Variants in TSPOAP1 observed in about 807,000 individuals in gnomAD.
The protein encoded by TSPOAP1 is peripheral-type benzodiazepine receptor-associated protein 1.
TSPOAP1 carries 87 observed loss-of-function variants against 197.0 expected under a neutral mutation model. That is an observed-to-expected ratio of 0.44 (90% CI 0.37 to 0.53). TSPOAP1 has a LOEUF of 0.53. Ranked by LOEUF, TSPOAP1 falls within the 20% of genes least tolerant of loss-of-function variation. The pLI, the probability that TSPOAP1 is intolerant of heterozygous loss-of-function variation, is 0.00. For synonymous variants in TSPOAP1, 913 were observed against 998.9 expected (o/e 0.91, Z 1.62); for missense variants, 2,174 against 2,411.3 (o/e 0.90, Z 2.06).
chr17:58,316,365 C>G (rs546887833), intron 15 of TSPOAP1, 60 bp downstream of exon 15: 67 of 1,467,270 alleles, frequency 4.6e-5, no homozygotes, highest in East Asian at 9.1e-5. Context: ...TCCACCCGGC[C>G]CCCTCCTATA....
chr17:58,327,926 T>C lies in TSPOAP1; in HGVS notation c.-6A>G. ...AGGGTTGTCAGTTGCTCCATGGTAC[T>C]GCCAAGGGGCCCCAGAACCCGGGCC... is the stretch of plus-strand genomic sequence containing the variant. On this transcript the variant is annotated 5_prime_UTR_variant, in exon 1 of 32. Coordinates refer to ENST00000343736, the MANE Select transcript of TSPOAP1 (RefSeq NM_004758.4). 6.3e-7 allele frequency: 1 copy of C among 1,586,766 alleles called. No homozygotes were observed. Among genetic ancestry groups the C allele is most frequent in the Non-Finnish European group, 8.6e-7 (1 of 1,162,314 alleles).
In TSPOAP1 at chr17:58,310,555, C is replaced by A; in HGVS notation, c.3656G>T (p.Cys1219Phe). 1 of 1,613,500 alleles carries A rather than the reference C, an allele frequency of 6.2e-7. No individual in the cohort carries two copies. The highest frequency in any genetic ancestry group is 8.5e-7 in the Non-Finnish European group (1 of 1,180,028). Residue 1219 changes from cysteine to phenylalanine, a missense_variant, in exon 20 of 32, where the codon TGC (cysteine) becomes TTC (phenylalanine). Transcript: ENST00000343736. Reference protein sequence around the residue: ...RAQQAPNTEMCQGGDPGSGLR... With the variant: ...RAQQAPNTEMFQGGDPGSGLR... ...CCCAGACCCTGGGTCTCCTCCTTGG[C>A]ACATCTCGGTATTTGGCGCCTGCTG... is the stretch of plus-strand genomic sequence containing the variant.
At chr17:58,308,390 T>C in intron 22 of TSPOAP1, 151 bp downstream of exon 22, 1 of 1,078,940 alleles carries the variant, frequency 9.3e-7, no homozygotes, top group Non-Finnish European at 1.3e-6. Flanking sequence ...GGAATGTGGG[T>C]GGGAGGAGGC....
chr17:58,306,507 C>A lies in TSPOAP1; in HGVS notation c.5153-94G>T. 3 of 1,235,928 alleles carry A rather than the reference C, an allele frequency of 2.4e-6. No individual in the cohort carries two copies. The South Asian group carries it at 4.5e-5, about 18-fold the overall frequency. The allele number at this position is 1,235,928 out of a possible 1,614,324, so 76.6% of individuals were successfully genotyped here. ...TTCCTCTCAGGGCCGTGCTAGGTTA[C>A]TGAGCTTGTTTCGTAAGGGCATTCA... is the stretch of plus-strand genomic sequence containing the variant. On this transcript the variant is annotated intron_variant, in intron 25 of 31. Transcript: ENST00000343736.
chr17:58,312,867 T>C lies in TSPOAP1; in HGVS notation c.2099-145A>G, dbSNP rs951678214. The C allele has an allele frequency of 3.4e-5, 23 of 673,656 alleles. No homozygotes were observed. The African/African-American group carries it at 3.5e-4, about 10-fold the overall frequency. 41.7% of individuals were successfully genotyped at this position (673,656 alleles called of 1,614,324 possible). A position where few individuals can be genotyped will look rare whatever the true frequency, so the allele number is the denominator to read the frequency against. On this transcript the variant is annotated intron_variant, in intron 16 of 31. Coordinates refer to ENST00000343736, the MANE Select transcript of TSPOAP1 (RefSeq NM_004758.4). Reference sequence around the variant, plus strand: ...AATCAACATTTAACTGTCAATTCTTTTAAAAGACAAGAGCAGTAAAGATCT... The same window carrying C: ...AATCAACATTTAACTGTCAATTCTTCTAAAAGACAAGAGCAGTAAAGATCT...
intron 14 of TSPOAP1, among the ~76,000 whole-genome samples, chr17:58,316,903 ACT>A (rs1241546530): frequency 6.6e-6 from 1 of 152,026 alleles, no homozygotes; most frequent in Non-Finnish European, 1.5e-5. Flanking sequence ...TAAGGTAAAA[ACT>A]CAGCAAAGTT....
chr17:58,322,378 A>AGCT lies in TSPOAP1; in HGVS notation c.1349_1351dup (p.Gln450dup). The AGCT allele has an allele frequency of 6.2e-7, 1 of 1,606,300 alleles. No homozygotes were observed. The highest frequency in any genetic ancestry group is 8.5e-7 in the Non-Finnish European group (1 of 1,179,962). On this transcript the variant is annotated inframe_insertion, in exon 10 of 32. Coordinates refer to ENST00000343736, the MANE Select transcript of TSPOAP1 (RefSeq NM_004758.4). This position sits in a 1 kb window ranked among gnomAD's most constrained non-coding sequence, Gnocchi z 5.0. ...CCGAGCCTGTTCATGCTCCACCTCC[A>AGCT]GCTGCTGCCGCCGCTGGGCCACCTC...
chr17:58,310,423 C>A, intron 20 of TSPOAP1, 89 bp downstream of exon 20: 1 of 1,554,982 alleles, frequency 6.4e-7, no homozygotes, highest in Middle Eastern at 1.7e-4. Context: ...AGAGGACAGG[C>A]AGAGAGGGCA....
intron 14 of TSPOAP1, among the ~76,000 whole-genome samples, chr17:58,316,903 A>C (rs931334989): frequency 6.6e-6 from 1 of 152,026 alleles, no homozygotes; most frequent in African/African-American, 2.4e-5. Context: ...TAAGGTAAAA[A>C]CTCAGCAAAG....
rs1598078188 is a variant in TSPOAP1, at chr17:58,322,640, C to T, written c.1317+14G>A. On this transcript the variant is annotated intron_variant, in intron 9 of 31. Transcript: ENST00000343736. This position sits in a 1 kb window ranked among gnomAD's most constrained non-coding sequence, Gnocchi z 5.0. ...AGGGCCCAGCACCCTCTCCCACCTG[C>T]ACCATCTCCTCACCTTCAGCACTTG... 2.5e-6 allele frequency: 4 copies of T among 1,607,982 alleles called. No homozygotes were observed. Among genetic ancestry groups the T allele is most frequent in the Middle Eastern group, 3.3e-4 (2 of 6,062 alleles).
chr17:58,325,472 A>G, intron 4 of TSPOAP1, 62 bp downstream of exon 4: 1 of 1,595,854 alleles, frequency 6.3e-7, no homozygotes, highest in Non-Finnish European at 8.5e-7. Context: ...TCTGCATCCC[A>G]CAACAGGCAG....
chr17:58,325,126 C>T, intron 4 of TSPOAP1, 124 bp from the exon 5 acceptor site: 2 of 843,194 alleles, frequency 2.4e-6, no homozygotes, highest in Non-Finnish European at 3.6e-6. Context: ...TGCACACCCT[C>T]CCATGGGTAC....
chr17:58,307,484 C>T, intron 24 of TSPOAP1, 127 bp downstream of exon 24: 2 of 1,288,214 alleles, frequency 1.6e-6, no homozygotes, highest in South Asian at 2.9e-5. Flanking sequence ...GGTCCAAACC[C>T]ATGTCATCTG....
chr17:58,307,560 G>A (rs1235425210), intron 24 of TSPOAP1, 51 bp downstream of exon 24: 3 of 1,591,112 alleles, frequency 1.9e-6, no homozygotes, highest in Non-Finnish European at 2.6e-6. Flanking sequence ...AGGGAGGAGG[G>A]AAGACCCAGC....
At chr17:58,323,627 A>G in intron 5 of TSPOAP1, 82 bp from the exon 6 acceptor site, 1 of 1,440,700 alleles carries the variant, frequency 6.9e-7, no homozygotes, top group Non-Finnish European at 9.5e-7. Context: ...TGCCCAGAGC[A>G]GGTTCCCACC....
intron 7 of TSPOAP1, 70 bp from the exon 8 acceptor site, chr17:58,323,109 C>A (rs762277425): frequency 6.5e-7 from 1 of 1,536,840 alleles, no homozygotes; most frequent in East Asian, 2.3e-5. Flanking sequence ...CACAGAGGAC[C>A]CTGCCCTCCT....
intron 16 of TSPOAP1, among the ~76,000 whole-genome samples, chr17:58,315,326 C>G (rs916894005): frequency 6.6e-6 from 1 of 152,206 alleles, no homozygotes; most frequent in Non-Finnish European, 1.5e-5. Context: ...TCGCCCTGCC[C>G]TGTCCATGCC....
In TSPOAP1 at chr17:58,323,311, C is replaced by G; in HGVS notation, c.1091G>C (p.Arg364Pro). 6.2e-7 allele frequency: 1 copy of G among 1,614,164 alleles called. No homozygotes were observed. Among genetic ancestry groups the G allele is most frequent in the Non-Finnish European group, 8.5e-7 (1 of 1,180,026 alleles). Reference protein sequence around the residue: ...LEQEARKKQRRCEELELQLRQ... With the variant: ...LEQEARKKQRPCEELELQLRQ... Reference sequence around the variant, plus strand: ...TCAAGAGCTCACCAGCTCCTCACATCGCCTCTGCTTTTTCCGGGCTTCCTG... The same window carrying G: ...TCAAGAGCTCACCAGCTCCTCACATGGCCTCTGCTTTTTCCGGGCTTCCTG... Residue 364 changes from arginine to proline, a missense_variant, in exon 7 of 32, where the codon CGA becomes CCA. Physicochemically the swap from Arg to Pro is moderately radical, Grantham distance 103. Around this residue, in one of 5 missense-constraint regions of TSPOAP1, gnomAD observed 1,933 missense variants for 2,139.0 expected, o/e 0.90. Transcript: ENST00000343736.
Position 58,308,809 on chromosome 17 carries a change from C to G in TSPOAP1, c.4463G>C (p.Ser1488Thr). Residue 1488 changes from serine to threonine, a missense_variant, in exon 22 of 32, where the codon AGC (serine) becomes ACC (threonine). This residue lies in a region of TSPOAP1 where 1,933 missense variants were observed against 2,139.0 expected (regional missense o/e 0.90). Transcript: ENST00000343736. ...TTCCAAGCACTTGGGGGAAAGGCAG[C>G]TGGCCAGGCCAGGCTCCAGCGCCCG... ...RGRALEPGLA[S>T]CLSPKCLEIS... 1.2e-6 allele frequency: 2 copies of G among 1,612,942 alleles called. No individual in the cohort carries two copies. The highest frequency in any genetic ancestry group is 1.7e-6 in the Non-Finnish European group (2 of 1,179,942).
Sources: gnomAD v4.1 joint callset for allele counts (sites outside exome capture counted in the v4.1 genomes callset) on GRCh38, gnomAD v4.1.1 for gene constraint, gnomAD v4.1.1 regional missense constraint, Gnocchi (gnomAD v3.1) non-coding constraint, MANE v1.5 for transcripts, NCBI Gene and HGNC (gene_info 2026-07-23, HGNC 2026-07-21) for gene names.